TRPM2: variants seen among roughly 807,000 people sequenced by gnomAD.
The protein encoded by TRPM2 is transient receptor potential cation channel subfamily M member 2, also known as estrogen-responsive element-associated gene 1 protein.
TRPM2 carries 161 observed loss-of-function variants against 174.0 expected under a neutral mutation model. The observed-to-expected ratio is 0.93, with a 90% CI of 0.81 to 1.05. TRPM2 has a LOEUF of 1.05. Among genes scored for constraint, TRPM2 ranks in the 50% least tolerant of loss-of-function variants. The pLI is 0.00. For synonymous variants in TRPM2, 954 were observed against 861.3 expected, an observed-to-expected ratio of 1.11 and a Z score of -1.88; for missense variants, 2,057 against 2,038.0, an observed-to-expected ratio of 1.01 and a Z score of -0.18.
chr21:44,428,518 G>A (rs1358083143), intron 27 of TRPM2, among the ~76,000 whole-genome samples: 10 of 138,308 alleles, frequency 7.2e-5, no homozygotes, highest in East Asian at 6.8e-4. Flanking sequence ...GCTCCTCCCT[G>A]AGGTGTGGCT....
At chr21:44,385,467 C>T (rs1009941156) in intron 9 of TRPM2, among the ~76,000 whole-genome samples, 1 of 152,130 alleles carries the variant, frequency 6.6e-6, no homozygotes, top group East Asian at 1.9e-4. Context: ...ATCTTTTCCT[C>T]CAAGATAGAA....
At position 44,427,114 on chromosome 21, in the gene TRPM2, G is replaced by C; in HGVS notation, c.3974+3G>C. On this transcript the variant is annotated splice_donor_region_variant and intron_variant, in intron 27 of 31. Transcript: ENST00000397928. ...ACAGTGCAGGCCGGGTTGCCCCTGT[G>C]AGTGTGCCCCCTGCGGGCCCCGCCC... The C allele has an allele frequency of 3.2e-6, 5 of 1,583,456 alleles. No individual in the cohort carries two copies. The highest frequency in any genetic ancestry group is 4.3e-6 in the Non-Finnish European group (5 of 1,164,932).
chr21:44,375,704 C>T, intron 5 of TRPM2, 129 bp from the exon 6 acceptor site: 3 of 1,115,168 alleles, frequency 2.7e-6, no homozygotes, highest in Non-Finnish European at 3.7e-6. Context: ...GTCGCTTTCT[C>T]CAATAAGGCC....
intron 16 of TRPM2, among the ~76,000 whole-genome samples, chr21:44,402,863 C>T (rs572033929): frequency 6.6e-6 from 1 of 152,298 alleles, no homozygotes; most frequent in East Asian, 1.9e-4. Context: ...GCCCACGGGG[C>T]AGTGGTCCTG....
At chr21:44,393,994 T>A (rs2146251025) in intron 11 of TRPM2, among the ~76,000 whole-genome samples, 1 of 152,274 alleles carries the variant, frequency 6.6e-6, no homozygotes, top group South Asian at 2.1e-4. Context: ...TGCCTAAGCC[T>A]CCCAAGTAGC....
chr21:44,425,001 C>A lies in TRPM2; in HGVS notation c.3637+62C>A. On this transcript the variant is annotated intron_variant, in intron 24 of 31. Coordinates refer to ENST00000397928, the MANE Select transcript of TRPM2 (RefSeq NM_003307.4). ...CGCCTGTTTCTTTTGGGTCTGGGGT[C>A]AGTTGGGAGGAGAGGCAGCTGGGGG... 3 of 1,452,966 alleles carry A rather than the reference C, an allele frequency of 2.1e-6. No homozygotes were observed. The South Asian group carries it at 3.7e-5, about 18-fold the overall frequency. The allele number at this position is 1,452,966 out of a possible 1,614,324, so 90.0% of individuals were successfully genotyped here.
intron 19 of TRPM2, among the ~76,000 whole-genome samples, chr21:44,407,365 G>A (rs1296677019): frequency 6.7e-6 from 1 of 148,382 alleles, no homozygotes; most frequent in Non-Finnish European, 1.5e-5. Context: ...GAGCTCAAGT[G>A]ATCCACCCCC....
chr21:44,385,608 AGAT>A (rs981341169), intron 9 of TRPM2, among the ~76,000 whole-genome samples: 3 of 152,264 alleles, frequency 2.0e-5, no homozygotes, highest in African/African-American at 7.2e-5. Context: ...ATTTGTTCAC[AGAT>A]GATATGATTT....
rs1404398735 is a variant in TRPM2 at position 44,382,767 on chromosome 21, GC to G, written c.1266del (p.Lys423ArgfsTer16). The G allele has an allele frequency of 6.2e-7, 1 of 1,613,970 alleles. No homozygotes were observed. The highest frequency in any genetic ancestry group is 8.5e-7 in the Non-Finnish European group (1 of 1,180,026). Reference protein sequence around the residue: ...RRQLLTVFREGKDGQQDVDVA... With the variant: ...RRQLLTVFREXKDGQQDVDVA... The stretch of plus-strand genomic sequence containing the variant: ...CAGCTGCTGACTGTCTTCCGGGAAG[GC>G]AAGGATGGTCAGCAGGACGTGGATG... On this transcript the variant is annotated frameshift_variant, in exon 9 of 32. Coordinates refer to ENST00000397928, the MANE Select transcript of TRPM2 (RefSeq NM_003307.4). LOFTEE classifies it high-confidence loss of function.
chr21:44,362,181 T>A (rs962368950), intron 2 of TRPM2, among the ~76,000 whole-genome samples: 1 of 152,040 alleles, frequency 6.6e-6, no homozygotes, highest in African/African-American at 2.4e-5. Flanking sequence ...TAATCTATAA[T>A]ATAATTGCTT....
chr21:44,351,861 C>A (rs2122998241), upstream of TRPM2, among the ~76,000 whole-genome samples: 1 of 152,222 alleles, frequency 6.6e-6, no homozygotes, highest in African/African-American at 2.4e-5. Context: ...ATTAGAGGAA[C>A]CTGCACAAGA....
At chr21:44,433,016 C>T (rs534486549) in intron 27 of TRPM2, among the ~76,000 whole-genome samples, 1 of 152,268 alleles carries the variant, frequency 6.6e-6, no homozygotes, top group African/African-American at 2.4e-5. Flanking sequence ...ACAGTGAGAG[C>T]AGCTGAAGAC....
chr21:44,405,173 TGAA>T lies in TRPM2; in HGVS notation c.2575_2577del (p.Lys859del). 1 of 1,613,518 alleles carries T rather than the reference TGAA, an allele frequency of 6.2e-7. No individual in the cohort carries two copies. Among genetic ancestry groups the T allele is most frequent in the Admixed American group, 1.7e-5 (1 of 60,002 alleles). On this transcript the variant is annotated inframe_deletion, in exon 17 of 32. Coordinates refer to ENST00000397928, the MANE Select transcript of TRPM2 (RefSeq NM_003307.4). ...TATGACCCTGACGAGTGCGGGCTGA[TGAA>T]GAAGGCAGCCTTGTACTTCAGTGAC...
rs534893453 is a variant in TRPM2 at position 44,421,128 on chromosome 21, G to A, written c.3462-2517G>A. The stretch of plus-strand genomic sequence containing the variant: ...AGGTTAGGAGATCAAGACTATCCTG[G>A]CTAACATGGTGAAACCTCATCTCTA... On this transcript the variant is annotated intron_variant, in intron 22 of 31. Coordinates refer to ENST00000397928, the MANE Select transcript of TRPM2 (RefSeq NM_003307.4). Among the ~76,000 whole-genome samples, 24 of 152,232 alleles carry A rather than the reference G, an allele frequency of 1.6e-4. 2 individuals carry two copies. In the South Asian group the frequency reaches 4.8e-3, roughly 30 times the overall value.
At position 44,425,776 on chromosome 21, in the gene TRPM2, C is replaced by CA. The variant is rs775074036; in HGVS notation, c.3746dup (p.Asn1249LysfsTer24). On this transcript the variant is annotated frameshift_variant, in exon 25 of 32. Transcript: ENST00000397928. LOFTEE classifies it high-confidence loss of function. ...TGAATGCCCGGCACCTCCTCTACCC[C>CA]AACTGCCCTGTCACGCGCTTCCCCG... The CA allele has an allele frequency of 5.0e-6, 8 of 1,596,266 alleles. No homozygotes were observed. The East Asian group carries it at 1.6e-4, about 32-fold the overall frequency.
chr21:44,386,633 T>C (rs1016532754), intron 9 of TRPM2, among the ~76,000 whole-genome samples: 6 of 151,974 alleles, frequency 3.9e-5, no homozygotes, highest in Non-Finnish European at 4.4e-5. Context: ...TGTTCATGAA[T>C]TGGAAGCCTT....
intron 9 of TRPM2, among the ~76,000 whole-genome samples, chr21:44,386,015 C>T (rs561553831): frequency 6.6e-6 from 1 of 152,244 alleles, no homozygotes; most frequent in East Asian, 1.9e-4. Context: ...ATGCAGAAAA[C>T]TAAAGATTCT....
Position 44,367,026 on chromosome 21 carries a change from A to C in TRPM2, c.604+92A>C. 2 of 1,423,760 alleles carry C rather than the reference A, an allele frequency of 1.4e-6. No homozygotes were observed. The highest frequency in any genetic ancestry group is 1.9e-6 in the Non-Finnish European group (2 of 1,075,720). The allele number at this position is 1,423,760 out of a possible 1,614,324, so 88.2% of individuals were successfully genotyped here. ...GCAATCAGGGCCATCAGGACCCAAAAAGTCCCTGGGAGCCGCCGAGGCTGT... is the reference window on the plus strand; with the variant it reads ...GCAATCAGGGCCATCAGGACCCAAACAGTCCCTGGGAGCCGCCGAGGCTGT... On this transcript the variant is annotated intron_variant, in intron 4 of 31. Transcript: ENST00000397928. The surrounding 1 kb of genome is among the most constrained non-coding windows in gnomAD (Gnocchi z 4.6).
chr21:44,375,793 C>A (rs144823811), intron 5 of TRPM2, 40 bp from the exon 6 acceptor site: 3 of 1,580,462 alleles, frequency 1.9e-6, no homozygotes, highest in Admixed American at 1.7e-5. Context: ...AGAGGCAGAG[C>A]TTTCCAGAAG....
Sources: gnomAD v4.1 joint callset for allele counts (sites outside exome capture counted in the v4.1 genomes callset) on GRCh38, gnomAD v4.1.1 for gene constraint, Gnocchi (gnomAD v3.1) non-coding constraint, MANE v1.5 for transcripts, NCBI Gene and HGNC (gene_info 2026-07-23, HGNC 2026-07-21) for gene names.